Variants in NEGR1 observed in about 807,000 individuals in gnomAD.
NEGR1 encodes the protein IgLON family member 4.
A neutral mutation model predicts 40.9 loss-of-function variants in NEGR1; 10 were observed. The observed-to-expected ratio is 0.24, with a 90% CI of 0.15 to 0.42. NEGR1 has a LOEUF of 0.42. Ranked by LOEUF, NEGR1 falls within the 10% of genes least tolerant of loss-of-function variation. The pLI, the probability that NEGR1 is intolerant of heterozygous loss-of-function variation, is 1.00. For missense variants in NEGR1, 352 were observed against 438.9 expected, an observed-to-expected ratio of 0.80 and a Z score of 1.77; for synonymous variants, 185 against 166.8, an observed-to-expected ratio of 1.11 and a Z score of -0.84.
intron 1 of NEGR1, among the ~76,000 whole-genome samples, chr1:72,234,048 AT>A (rs931119356): frequency 6.6e-5 from 10 of 152,238 alleles, no homozygotes; most frequent in African/African-American, 2.2e-4. Context: ...AACTTGTGTC[AT>A]GGGGGTTTGT....
chr1:72,226,531 A>G (rs1654195963), intron 1 of NEGR1, among the ~76,000 whole-genome samples: 1 of 152,036 alleles, frequency 6.6e-6, no homozygotes, highest in Non-Finnish European at 1.5e-5. Flanking sequence ...TCAATTCCTA[A>G]CTGTCCAAGG....
intron 6 of NEGR1, among the ~76,000 whole-genome samples, chr1:71,496,702 T>A (rs184320200): frequency 6.6e-6 from 1 of 152,060 alleles, no homozygotes; most frequent in Non-Finnish European, 1.5e-5. Flanking sequence ...AAAAACAGGA[T>A]GTTTGATTAT....
At chr1:72,174,484 CTATT>C (rs1426884624) in intron 1 of NEGR1, among the ~76,000 whole-genome samples, 34 of 152,202 alleles carry the variant, frequency 2.2e-4, no homozygotes, top group Admixed American at 1.2e-3. Flanking sequence ...TGTGTGCTGT[CTATT>C]CATTTCTTTC....
At chr1:72,043,783 G>C (rs1237153613) in intron 1 of NEGR1, among the ~76,000 whole-genome samples, 3 of 151,790 alleles carry the variant, frequency 2.0e-5, no homozygotes, top group African/African-American at 7.3e-5. Flanking sequence ...AAAAGCACTT[G>C]TAACAGTACT....
At chr1:71,900,049 T>G (rs1368043804) in intron 2 of NEGR1, among the ~76,000 whole-genome samples, 2 of 152,218 alleles carry the variant, frequency 1.3e-5, no homozygotes, top group African/African-American at 2.4e-5. Context: ...CACAGCTGCT[T>G]AAGTAGTTTC....
At chr1:72,256,920 G>C (rs1290269652) in intron 1 of NEGR1, among the ~76,000 whole-genome samples, 4 of 150,732 alleles carry the variant, frequency 2.7e-5, no homozygotes, top group Non-Finnish European at 5.9e-5. Flanking sequence ...CCATGTAACG[G>C]CATGGTTAAC....
chr1:71,407,662 A>C, intron 6 of NEGR1, 92 bp from the exon 7 acceptor site: 1 of 1,218,434 alleles, frequency 8.2e-7, no homozygotes, highest in Non-Finnish European at 1.2e-6. Flanking sequence ...GCATCGGGGA[A>C]AGCACTGACA....
rs540913987 is a variant in NEGR1 at position 71,546,322 on chromosome 1, A to C, written c.940+46495T>G. Among the ~76,000 whole-genome samples, 4 of 151,848 alleles carry C rather than the reference A, an allele frequency of 2.6e-5. No individual in the cohort carries two copies. The East Asian group carries it at 7.8e-4, about 30-fold the overall frequency. ...TAATTAATGCATTTATCTATTCAAA[A>C]GTTGATGGAATACCCATGATGTGCC... On this transcript the variant is annotated intron_variant, in intron 6 of 6. Coordinates refer to ENST00000357731, the MANE Select transcript of NEGR1 (RefSeq NM_173808.3).
intron 2 of NEGR1, among the ~76,000 whole-genome samples, chr1:71,822,381 G>C (rs1658462087): frequency 6.6e-6 from 1 of 151,978 alleles, no homozygotes; most frequent in South Asian, 2.1e-4. Flanking sequence ...TGGACAAAAT[G>C]ATCTAGCCAG....
chr1:71,868,475 CAT>C (rs1557682674), intron 2 of NEGR1, among the ~76,000 whole-genome samples: 27 of 50,560 alleles, frequency 5.3e-4, no homozygotes, highest in Middle Eastern at 0.011. Context: ...AGACAGAATA[CAT>C]ACATACATAC....
chr1:72,076,284 A>G (rs1195253784), intron 1 of NEGR1, among the ~76,000 whole-genome samples: 1 of 152,118 alleles, frequency 6.6e-6, no homozygotes, highest in Non-Finnish European at 1.5e-5. Context: ...GAGACCCTGG[A>G]GAGTTAGCTT....
chr1:71,832,550 C>G (rs1051513403), intron 2 of NEGR1, among the ~76,000 whole-genome samples: 2 of 151,994 alleles, frequency 1.3e-5, no homozygotes, highest in African/African-American at 4.8e-5. Context: ...CTTGTGAAGT[C>G]TCATCCAGGT....
At chr1:72,206,913 A>G (rs929462069) in intron 1 of NEGR1, among the ~76,000 whole-genome samples, 20 of 151,996 alleles carry the variant, frequency 1.3e-4, no homozygotes, top group Admixed American at 2.0e-4. Context: ...ATGAAAAGTA[A>G]GAGAACCAGT....
At chr1:72,164,737 CCTTT>C (rs1186623353) in intron 1 of NEGR1, among the ~76,000 whole-genome samples, 1 of 151,478 alleles carries the variant, frequency 6.6e-6, no homozygotes, top group Non-Finnish European at 1.5e-5. Flanking sequence ...TTTCTTGCTT[CCTTT>C]ATCATTATAG....
At chr1:71,736,816 G>A (rs1655053116) in intron 3 of NEGR1, among the ~76,000 whole-genome samples, 1 of 152,154 alleles carries the variant, frequency 6.6e-6, no homozygotes, top group East Asian at 1.9e-4. Flanking sequence ...TTTTAGATAT[G>A]CAGAAGGAGA....
intron 4 of NEGR1, among the ~76,000 whole-genome samples, chr1:71,620,997 C>A (rs1224170985): frequency 6.6e-6 from 1 of 151,864 alleles, no homozygotes; most frequent in Non-Finnish European, 1.5e-5. Flanking sequence ...TACTGCTTTG[C>A]ACTGAGTTAG....
intron 1 of NEGR1, among the ~76,000 whole-genome samples, chr1:72,017,719 T>C (rs1429009126): frequency 6.6e-6 from 1 of 151,674 alleles, no homozygotes; most frequent in Non-Finnish European, 1.5e-5. Context: ...TAGTCACAGT[T>C]TAAGAAAAAA....
chr1:71,747,016 G>A (rs1322689518), intron 3 of NEGR1, among the ~76,000 whole-genome samples: 1 of 152,202 alleles, frequency 6.6e-6, no homozygotes, highest in Non-Finnish European at 1.5e-5. Context: ...TATAGCTAGT[G>A]TAAATGATTC....
chr1:71,954,194 A>T (rs149050458), intron 1 of NEGR1, among the ~76,000 whole-genome samples: 190 of 152,090 alleles, frequency 1.2e-3, no homozygotes, highest in Non-Finnish European at 2.5e-3. Context: ...AGAAACACAG[A>T]TAAAGAGACA....
Sources: allele counts gnomAD v4.1 joint callset (sites outside exome capture counted in the v4.1 genomes callset), GRCh38; gene constraint gnomAD v4.1.1; transcripts MANE v1.5; gene names NCBI Gene and HGNC (gene_info 2026-07-23, HGNC 2026-07-21).